FBXL18: variants seen among roughly 807,000 people sequenced by gnomAD.
The protein encoded by FBXL18 is F-box and leucine rich repeat protein 18, also known as F-box/LRR-repeat protein 18.
Under a neutral mutation model 46.0 loss-of-function variants are expected in FBXL18, and 36 were observed. The ratio of observed to expected loss-of-function variants is 0.78; its 90% CI spans 0.60 to 1.03. FBXL18 has a LOEUF of 1.03. FBXL18 is among the 50% of genes least tolerant of loss of function. The pLI, the probability that FBXL18 is intolerant of heterozygous loss-of-function variation, is 0.00. For synonymous variants in FBXL18, 557 were observed against 465.3 expected (o/e 1.20, Z -2.54); for missense variants, 977 against 1,004.1 (o/e 0.97, Z 0.36).
At chr7:5,483,754 A>G (rs1783705836) in intron 4 of FBXL18, among the ~76,000 whole-genome samples, 1 of 120,462 alleles carries the variant, frequency 8.3e-6, no homozygotes, top group Non-Finnish European at 1.9e-5. Flanking sequence ...CAAAAAAAAG[A>G]CAAAAAAAAA....
At chr7:5,505,699 G>A (rs1226483654) in intron 1 of FBXL18, 69 bp from the exon 2 acceptor site, 2 of 1,353,552 alleles carry the variant, frequency 1.5e-6, no homozygotes, top group East Asian at 4.6e-5. Flanking sequence ...CTGCAGCTAG[G>A]CAGAGAAGCA....
intron 4 of FBXL18, among the ~76,000 whole-genome samples, chr7:5,488,703 C>G (rs1040388923): frequency 4.6e-5 from 7 of 152,196 alleles, no homozygotes; most frequent in Non-Finnish European, 8.8e-5. Flanking sequence ...TGAGTGGAGC[C>G]CAGCCGCAAG....
At chr7:5,467,510 C>T (rs34628818) in intron 4 of FBXL18, among the ~76,000 whole-genome samples, 2,016 of 151,330 alleles carry the variant, frequency 0.013, 41 homozygotes, top group African/African-American at 0.046. Context: ...CACACCACCG[C>T]ACCCCAGCCT....
Position 5,491,391 on chromosome 7 carries a change from G to A in FBXL18, c.1840C>T (p.Pro614Ser), listed in dbSNP as rs748708670. The A allele has an allele frequency of 6.8e-6, 11 of 1,607,170 alleles. No individual in the cohort carries two copies. Among genetic ancestry groups the A allele is most frequent in the Non-Finnish European group, 8.5e-6 (10 of 1,177,972 alleles). Reference sequence around the variant, plus strand: ...ACCAGGCACAGGCGCTGCAGCGAGGGGCACTGGCTCAGCGCCTGGAAGAAC... The same window carrying A: ...ACCAGGCACAGGCGCTGCAGCGAGGAGCACTGGCTCAGCGCCTGGAAGAAC... ...AQFFQALSQCPSLQRLCLVSR... is the reference protein window; with the variant it reads ...AQFFQALSQCSSLQRLCLVSR... Residue 614 changes from proline (P) to serine (S), a missense_variant, in exon 4 of 5, where the codon CCC becomes TCC. By Grantham distance (74) the Pro-to-Ser change is moderately conservative. Transcript: ENST00000382368.
In FBXL18 at chr7:5,468,111, T is replaced by C. The variant is rs544297218; in HGVS notation, c.2001-20268A>G. On this transcript the variant is annotated intron_variant and NMD_transcript_variant, in intron 4 of 6. Transcript: ENST00000415009. ...AATTCTCCTGCCTCAGTCTCCCGAG[T>C]AGCTGGGACTACAGGCGCCCGCCAC... Among the ~76,000 whole-genome samples the C allele has an allele frequency of 3.6e-4, 54 of 151,872 alleles. No individual in the cohort carries two copies. The South Asian group carries it at 5.8e-3, about 16-fold the overall frequency.
chr7:5,459,044 T>C (rs747790207), intron 4 of FBXL18, among the ~76,000 whole-genome samples: 1 of 152,052 alleles, frequency 6.6e-6, no homozygotes, highest in Non-Finnish European at 1.5e-5. Flanking sequence ...TCACAGCTAC[T>C]GAGGAAGCTG....
intron 1 of FBXL18, among the ~76,000 whole-genome samples, chr7:5,512,760 AC>A (rs1784572711): frequency 6.6e-6 from 1 of 151,996 alleles, no homozygotes; most frequent in Non-Finnish European, 1.5e-5. Flanking sequence ...TGAGCCACAC[AC>A]CGTTCCTTGT....
chr7:5,490,022 C>A lies in FBXL18; in HGVS notation c.2000+1209G>T, dbSNP rs567813106. ...ACTCTATAAACACAAGTTGTTTTTA[C>A]AACCAGAGAGGGGGAAACCCCAACC... On this transcript the variant is annotated intron_variant, in intron 4 of 4. Coordinates refer to ENST00000382368, the MANE Select transcript of FBXL18 (RefSeq NM_024963.6). The A allele has an allele frequency of 8.1e-5, 106 of 1,315,754 alleles. 1 individual carries two copies. In the South Asian group the frequency reaches 1.2e-3, roughly 15 times the overall value. The allele number at this position is 1,315,754 out of a possible 1,614,324, so 81.5% of individuals were successfully genotyped here.
intron 4 of FBXL18, among the ~76,000 whole-genome samples, chr7:5,457,342 C>T (rs751639025): frequency 6.6e-6 from 1 of 152,210 alleles, no homozygotes; most frequent in Non-Finnish European, 1.5e-5. Flanking sequence ...CAAGGAATCC[C>T]ACAGCCCAGC....
intron 4 of FBXL18, among the ~76,000 whole-genome samples, chr7:5,460,937 T>C (rs964532680): frequency 6.6e-6 from 1 of 152,240 alleles, no homozygotes; most frequent in African/African-American, 2.4e-5. Context: ...GCTGCACAGT[T>C]CTGAAGTAAT....
intron 4 of FBXL18, among the ~76,000 whole-genome samples, chr7:5,463,728 A>ATTTTTTTTTTTTTTTTTTTTTTTTTTTTT (rs552002078): frequency 3.8e-5 from 2 of 53,034 alleles, no homozygotes; most frequent in Non-Finnish European, 6.7e-5. Flanking sequence ...TTATTTATTT[A>ATTTTTTTTTTTTTTTTTTTTTTTTTTTTT]TTTTTTTTTT....
intron 4 of FBXL18, among the ~76,000 whole-genome samples, chr7:5,454,930 C>T (rs1283628354): frequency 6.6e-6 from 1 of 152,208 alleles, no homozygotes; most frequent in Non-Finnish European, 1.5e-5. Context: ...TTCTATCTCT[C>T]GAATCCTAAA....
chr7:5,497,357 C>T (rs1042921466), intron 3 of FBXL18, among the ~76,000 whole-genome samples: 2 of 152,158 alleles, frequency 1.3e-5, no homozygotes, highest in African/African-American at 2.4e-5. Context: ...CCACCCCGCT[C>T]CCCACGCACG....
At chr7:5,495,858 A>G (rs1487324492) in intron 3 of FBXL18, 1 of 481,068 alleles carries the variant, frequency 2.1e-6, no homozygotes, top group Non-Finnish European at 4.3e-6. Flanking sequence ...TTTGTTCTGA[A>G]CAGGCAGTAC....
chr7:5,463,748 T>TTA, intron 4 of FBXL18, among the ~76,000 whole-genome samples: 1 of 95,958 alleles, frequency 1.0e-5, no homozygotes, highest in Non-Finnish European at 2.0e-5. Flanking sequence ...TTTTTTTTTT[T>TTA]TTTTTTTTTT....
intron 3 of FBXL18, among the ~76,000 whole-genome samples, chr7:5,500,082 T>C (rs188225596): frequency 3.1e-3 from 241 of 77,052 alleles, no homozygotes; most frequent in African/African-American, 0.013. Context: ...AATAAATAAA[T>C]AAAATTTAAA....
intron 1 of FBXL18, among the ~76,000 whole-genome samples, chr7:5,510,499 C>A (rs1318191027): frequency 1.3e-5 from 2 of 151,448 alleles, no homozygotes; most frequent in Admixed American, 1.3e-4. Flanking sequence ...CTGACCAACA[C>A]GGTGAAACCC....
intron 4 of FBXL18, among the ~76,000 whole-genome samples, chr7:5,457,681 T>C (rs1419450516): frequency 1.3e-5 from 2 of 152,198 alleles, no homozygotes; most frequent in Non-Finnish European, 2.9e-5. Context: ...GCTTGGGAAA[T>C]GCAGCTTTTA....
chr7:5,471,891 T>C (rs942610247), downstream of FBXL18, among the ~76,000 whole-genome samples: 1 of 152,084 alleles, frequency 6.6e-6, no homozygotes, highest in African/African-American at 2.4e-5. Context: ...GGCGGGAGGA[T>C]TTCTTGAGCC....
Sources: allele counts gnomAD v4.1 joint callset (sites outside exome capture counted in the v4.1 genomes callset), GRCh38; gene constraint gnomAD v4.1.1; transcripts MANE v1.5; gene names NCBI Gene and HGNC (gene_info 2026-07-23, HGNC 2026-07-21).